PARVA: variants seen among roughly 807,000 people sequenced by gnomAD.
PARVA encodes alpha-parvin.
Under a neutral mutation model 52.6 loss-of-function variants are expected in PARVA, and 25 were observed. That is an observed-to-expected ratio of 0.48 (90% confidence interval 0.35 to 0.66). The LOEUF is 0.66. PARVA is among the 30% of genes least tolerant of loss of function. PARVA has a pLI of 0.01. For missense variants in PARVA, 373 were observed against 450.9 expected (o/e 0.83, Z 1.56); for synonymous variants, 185 against 179.1 (o/e 1.03, Z -0.26).
chr11:12,496,335 T>C, intron 4 of PARVA, 123 bp from the exon 5 acceptor site: 3 of 394,212 alleles, frequency 7.6e-6, no homozygotes, highest in South Asian at 4.9e-5. Context: ...ATCCAGTATC[T>C]ATTGTTGCAA....
chr11:12,431,129 G>A (rs1266605575), intron 1 of PARVA, among the ~76,000 whole-genome samples: 2 of 152,212 alleles, frequency 1.3e-5, no homozygotes, highest in African/African-American at 4.8e-5. Flanking sequence ...TATTTTAGCA[G>A]TGGTTGATAA....
intron 1 of PARVA, among the ~76,000 whole-genome samples, chr11:12,383,316 C>T (rs1268011683): frequency 2.6e-5 from 4 of 152,184 alleles, no homozygotes; most frequent in African/African-American, 9.6e-5. Context: ...GTCCTCAAGA[C>T]GTGCTCTTTC....
chr11:12,514,232 A>C (rs1381838703), intron 10 of PARVA, among the ~76,000 whole-genome samples, 167 bp downstream of exon 10: 2 of 152,182 alleles, frequency 1.3e-5, no homozygotes, highest in African/African-American at 2.4e-5. Flanking sequence ...GATTTTTTCC[A>C]ACTTTTTATT....
At position 12,508,807 on chromosome 11, in the gene PARVA, C is replaced by T. The variant is rs2135072782; in HGVS notation, c.716+165C>T. 6 of 641,376 alleles carry T rather than the reference C, an allele frequency of 9.4e-6. No homozygotes were observed. In the South Asian group the frequency reaches 1.1e-4, roughly 11 times the overall value. 39.7% of individuals were successfully genotyped at this position (641,376 alleles called of 1,614,324 possible). ...CCTTTTCCATGCATTCAAAACATGCCTCTCAATGCTTAAGGTACAAACTTG... is the reference window on the plus strand; with the variant it reads ...CCTTTTCCATGCATTCAAAACATGCTTCTCAATGCTTAAGGTACAAACTTG... On this transcript the variant is annotated intron_variant, in intron 7 of 12. Coordinates refer to ENST00000334956, the MANE Select transcript of PARVA (RefSeq NM_018222.5).
At chr11:12,435,157 C>T (rs765065933) in intron 1 of PARVA, among the ~76,000 whole-genome samples, 1 of 152,240 alleles carries the variant, frequency 6.6e-6, no homozygotes, top group East Asian at 1.9e-4. Context: ...CTTACTTGAT[C>T]TCTCTCTTCA....
At chr11:12,447,643 ATAG>A (rs1940565498) in intron 1 of PARVA, among the ~76,000 whole-genome samples, 1 of 152,214 alleles carries the variant, frequency 6.6e-6, no homozygotes, top group South Asian at 2.1e-4. Flanking sequence ...CTGAATTTTA[ATAG>A]TAGAAAAAAA....
At chr11:12,500,459 G>GA (rs770023685) in intron 5 of PARVA, among the ~76,000 whole-genome samples, 6 of 152,140 alleles carry the variant, frequency 3.9e-5, no homozygotes, top group Non-Finnish European at 5.9e-5. Flanking sequence ...GTTTTAATTG[G>GA]AAAAATGGCA....
intron 10 of PARVA, among the ~76,000 whole-genome samples, chr11:12,516,570 C>G (rs578075825): frequency 6.6e-6 from 1 of 152,334 alleles, no homozygotes; most frequent in East Asian, 1.9e-4. Flanking sequence ...CCCATCTGGC[C>G]TCTTCTGCCT....
chr11:12,429,606 A>G (rs772938848), intron 1 of PARVA, among the ~76,000 whole-genome samples: 28 of 152,240 alleles, frequency 1.8e-4, no homozygotes, highest in Non-Finnish European at 3.2e-4. Context: ...ATGGTTAGCC[A>G]TGATTTGATG....
At chr11:12,411,360 C>A (rs56093723) in intron 1 of PARVA, among the ~76,000 whole-genome samples, 1 of 151,962 alleles carries the variant, frequency 6.6e-6, no homozygotes, top group Non-Finnish European at 1.5e-5. Context: ...TCCCCTATTG[C>A]CAACATTGTA....
intron 1 of PARVA, among the ~76,000 whole-genome samples, chr11:12,411,581 T>C (rs2134975050): frequency 6.6e-6 from 1 of 152,282 alleles, no homozygotes; most frequent in African/African-American, 2.4e-5. Flanking sequence ...ACTTTCCTTG[T>C]TTTTGATGGC....
intron 1 of PARVA, among the ~76,000 whole-genome samples, chr11:12,402,825 G>C (rs542812111): frequency 1.3e-5 from 2 of 152,338 alleles, no homozygotes; most frequent in Admixed American, 6.5e-5. Context: ...CTGGCCCTCT[G>C]TCAGAAAGTT....
intron 8 of PARVA, among the ~76,000 whole-genome samples, chr11:12,512,937 G>A (rs1035073193): frequency 6.6e-6 from 1 of 152,106 alleles, no homozygotes; most frequent in Non-Finnish European, 1.5e-5. Context: ...TTAATATTTG[G>A]ATAACATTCT....
intron 1 of PARVA, among the ~76,000 whole-genome samples, chr11:12,468,302 G>A (rs1424500676): frequency 6.6e-6 from 1 of 152,208 alleles, no homozygotes; most frequent in Non-Finnish European, 1.5e-5. Flanking sequence ...GACTGCTTCA[G>A]GGGAGGCACC....
At chr11:12,506,207 CAGTTCATGAAAG>C in intron 6 of PARVA, among the ~76,000 whole-genome samples, 1 of 152,170 alleles carries the variant, frequency 6.6e-6, no homozygotes, top group East Asian at 1.9e-4. Flanking sequence ...GTTCCTGAAA[CAGTTCATGAAAG>C]AGTACTTTAA....
chr11:12,415,455 AC>A, intron 1 of PARVA, among the ~76,000 whole-genome samples: 1 of 84,942 alleles, frequency 1.2e-5, no homozygotes, highest in South Asian at 4.4e-4. Flanking sequence ...CCCCTCCCCC[AC>A]CCCAACATGT....
intron 4 of PARVA, among the ~76,000 whole-genome samples, chr11:12,493,000 A>C (rs1283754966): frequency 6.6e-6 from 1 of 152,236 alleles, no homozygotes; most frequent in Non-Finnish European, 1.5e-5. Context: ...TATGATATAT[A>C]TATGAGTGGA....
intron 1 of PARVA, among the ~76,000 whole-genome samples, chr11:12,433,349 T>G (rs1208604818): frequency 3.3e-5 from 5 of 152,222 alleles, no homozygotes; most frequent in Non-Finnish European, 5.9e-5. Flanking sequence ...AAGCATGGGC[T>G]TCACTGGTTC....
At chr11:12,527,754 G>A (rs1941721792) in intron 12 of PARVA, 95 bp from the exon 13 acceptor site, 2 of 910,128 alleles carry the variant, frequency 2.2e-6, no homozygotes, top group Non-Finnish European at 3.7e-6. Context: ...TGGGTACATG[G>A]GATTGGGTGG....
Sources: allele counts gnomAD v4.1 joint callset (sites outside exome capture counted in the v4.1 genomes callset), GRCh38; gene constraint gnomAD v4.1.1; transcripts MANE v1.5; gene names NCBI Gene and HGNC (gene_info 2026-07-23, HGNC 2026-07-21).